Variants in RBFOX1 observed in about 807,000 individuals in gnomAD.
The protein encoded by RBFOX1 is RNA binding protein fox-1 homolog 1.
RBFOX1 carries 8 observed loss-of-function variants against 57.7 expected under a neutral mutation model. The ratio of observed to expected loss-of-function variants is 0.14; its 90% confidence interval spans 0.08 to 0.25. The LOEUF (loss-of-function observed/expected upper bound fraction) is 0.25. Among genes scored for constraint, RBFOX1 ranks in the 10% least tolerant of loss-of-function variants. The pLI is 1.00. For missense variants in RBFOX1, 611 were observed against 548.5 expected, an observed-to-expected ratio of 1.11 and a Z score of -1.14; for synonymous variants, 326 against 222.4, an observed-to-expected ratio of 1.47 and a Z score of -4.15.
chr16:6,960,552 G>C (rs567285516), intron 3 of RBFOX1, among the ~76,000 whole-genome samples: 2 of 152,124 alleles, frequency 1.3e-5, no homozygotes, highest in South Asian at 2.1e-4. Flanking sequence ...CCTCTTTCTT[G>C]TATCTGTTCC....
chr16:5,849,127 C>A (rs147141449), intron 3 of RBFOX1, among the ~76,000 whole-genome samples: 1 of 152,040 alleles, frequency 6.6e-6, no homozygotes. Flanking sequence ...TCCATTGGAG[C>A]GTCGTTGGGG....
At chr16:6,299,889 C>T (rs1028858590) in intron 1 of RBFOX1, among the ~76,000 whole-genome samples, 1 of 152,140 alleles carries the variant, frequency 6.6e-6, no homozygotes, top group African/African-American at 2.4e-5. Flanking sequence ...CCCACACCCT[C>T]GTTTTAACAC....
intron 4 of RBFOX1, among the ~76,000 whole-genome samples, chr16:7,069,612 C>T (rs922958255): frequency 9.2e-5 from 14 of 152,148 alleles, no homozygotes; most frequent in African/African-American, 2.4e-4. Context: ...AAGCAAGAAG[C>T]ATCATGGAAT....
rs1309108873 is a variant in RBFOX1 at position 5,947,513 on chromosome 16, G to C, written c.351+80178G>C. Among the ~76,000 whole-genome samples the C allele has an allele frequency of 1.3e-5, 2 of 152,058 alleles. No individual in the cohort carries two copies. The highest frequency in any genetic ancestry group is 6.6e-5 in the Admixed American group (1 of 15,260). ...CAGTTTTTAAAATTTTTAGAGACAGGGGTCTCTGTATGTTGCCTAGGCTGG... is the reference window on the plus strand; with the variant it reads ...CAGTTTTTAAAATTTTTAGAGACAGCGGTCTCTGTATGTTGCCTAGGCTGG... On this transcript the variant is annotated intron_variant, in intron 4 of 19. Coordinates refer to the RBFOX1 transcript ENST00000641259. This position sits in a 1 kb window ranked among gnomAD's most constrained non-coding sequence, Gnocchi z 7.2.
intron 1 of RBFOX1, among the ~76,000 whole-genome samples, chr16:5,393,588 C>G (rs1396247708): frequency 6.6e-6 from 1 of 152,100 alleles, no homozygotes; most frequent in Non-Finnish European, 1.5e-5. Context: ...ATGGAGCAGA[C>G]CAGGGCCTGG....
chr16:7,315,930 C>G (rs775063243), intron 4 of RBFOX1, among the ~76,000 whole-genome samples: 1 of 152,052 alleles, frequency 6.6e-6, no homozygotes, highest in African/African-American at 2.4e-5. Context: ...TTTCAAACCC[C>G]AAACAGAAGA....
chr16:6,641,458 G>C (rs2098486931), intron 2 of RBFOX1, among the ~76,000 whole-genome samples: 1 of 152,088 alleles, frequency 6.6e-6, no homozygotes, highest in Admixed American at 6.6e-5. Flanking sequence ...CCTGACGCCG[G>C]GCACGGTGGC....
intron 2 of RBFOX1, among the ~76,000 whole-genome samples, chr16:5,501,216 G>C (rs1259426033): frequency 6.7e-6 from 1 of 149,250 alleles, no homozygotes; most frequent in Non-Finnish European, 1.5e-5. Flanking sequence ...TACTAGGGTG[G>C]CCGAGACAGG....
At chr16:5,530,164 T>C (rs62018372) in intron 2 of RBFOX1, among the ~76,000 whole-genome samples, 106,239 of 151,902 alleles carry the variant, frequency 0.7, 37,718 homozygotes, top group East Asian at 0.88. Flanking sequence ...CTGAGAGCTC[T>C]GATTCTTGAG....
At chr16:6,656,389 C>T (rs890331326) in intron 3 of RBFOX1, among the ~76,000 whole-genome samples, 2 of 152,130 alleles carry the variant, frequency 1.3e-5, no homozygotes, top group Non-Finnish European at 2.9e-5. Flanking sequence ...CCATCACGCA[C>T]AAGGTAAATA....
At chr16:6,721,038 C>T (rs1329644958) in intron 3 of RBFOX1, among the ~76,000 whole-genome samples, 2 of 152,112 alleles carry the variant, frequency 1.3e-5, no homozygotes, top group African/African-American at 4.8e-5. Context: ...GGTGGTCAGG[C>T]ATAGTCTGTT....
chr16:6,539,510 A>G (rs1599252600), intron 2 of RBFOX1, among the ~76,000 whole-genome samples: 1 of 152,156 alleles, frequency 6.6e-6, no homozygotes, highest in African/African-American at 2.4e-5. Context: ...TAAAACACAC[A>G]CGTACAGTCA....
chr16:6,750,144 G>A (rs1170117807), intron 3 of RBFOX1, among the ~76,000 whole-genome samples: 2 of 152,182 alleles, frequency 1.3e-5, no homozygotes. Context: ...TTTGCATTGA[G>A]TGGCATGCTG....
chr16:5,268,599 A>G (rs2062921477), intron 1 of RBFOX1, among the ~76,000 whole-genome samples: 1 of 152,214 alleles, frequency 6.6e-6, no homozygotes, highest in African/African-American at 2.4e-5. Flanking sequence ...TGAGCAACTG[A>G]TGAAGTCATT....
intron 4 of RBFOX1, among the ~76,000 whole-genome samples, chr16:5,934,307 C>A (rs910630119): frequency 6.6e-6 from 1 of 152,256 alleles, no homozygotes; most frequent in Non-Finnish European, 1.5e-5. Context: ...CTTGGAAAGA[C>A]AGTGGTACCC....
intron 2 of RBFOX1, among the ~76,000 whole-genome samples, chr16:6,466,190 A>T (rs191978425): frequency 6.6e-6 from 1 of 151,616 alleles, no homozygotes; most frequent in Admixed American, 6.6e-5. Flanking sequence ...AGGTTGCACC[A>T]CTGCACTCCA....
chr16:6,610,142 C>G (rs992687962), intron 2 of RBFOX1, among the ~76,000 whole-genome samples: 2 of 152,138 alleles, frequency 1.3e-5, no homozygotes, highest in African/African-American at 2.4e-5. Flanking sequence ...ATGGACCTCA[C>G]GTTGATTCTC....
chr16:7,505,906 C>A (rs566546728), intron 4 of RBFOX1, among the ~76,000 whole-genome samples: 1 of 152,110 alleles, frequency 6.6e-6, no homozygotes, highest in Admixed American at 6.6e-5. Flanking sequence ...AATTTTCTGG[C>A]CAGGTGCAGT....
rs550701372 is a variant in RBFOX1, at chr16:6,434,444, C to G, written c.-64+117387C>G. 3.2e-4 allele frequency among the ~76,000 whole-genome samples: 49 copies of G among 152,234 alleles called. No homozygotes were observed. In the South Asian group the frequency reaches 1.0e-2, roughly 31 times the overall value. ...AATAGGCCCATCCCACAGTTTTTCC[C>G]CCGTGCCTGACTCTCCCTTAGTCTT... On this transcript the variant is annotated intron_variant, in intron 2 of 15. Transcript: ENST00000550418.
Sources: allele counts gnomAD v4.1 joint callset (sites outside exome capture counted in the v4.1 genomes callset), GRCh38; gene constraint gnomAD v4.1.1; non-coding constraint Gnocchi (gnomAD v3.1); transcripts MANE v1.5; gene names NCBI Gene and HGNC (gene_info 2026-07-23, HGNC 2026-07-21).